Variants in DLEU7 observed in about 807,000 individuals in gnomAD.
DLEU7 encodes the protein leukemia-associated protein 7.
In DLEU7, 17 loss-of-function variants were observed where a neutral mutation model predicts 16.0. That is an observed-to-expected ratio of 1.06 (90% CI 0.73 to 1.59). The LOEUF (loss-of-function observed/expected upper bound fraction) is 1.59, where lower values mean the gene tolerates loss of function less well. Ranked by LOEUF, DLEU7 falls within the 40% of genes most tolerant of loss-of-function variation. DLEU7 has a pLI of 0.00. For synonymous variants in DLEU7, 113 were observed against 139.8 expected (o/e 0.81, Z 1.35); for missense variants, 308 against 314.9 (o/e 0.98, Z 0.17).
At chr13:50,778,100 T>C (rs1442154211) in intron 1 of DLEU7, among the ~76,000 whole-genome samples, 2 of 152,328 alleles carry the variant, frequency 1.3e-5, no homozygotes, top group East Asian at 3.9e-4. Flanking sequence ...TGATTCATAG[T>C]TCTGCAGCCT....
downstream of DLEU7, among the ~76,000 whole-genome samples, chr13:50,820,798 A>C (rs1369235546): frequency 2.0e-5 from 3 of 152,186 alleles, no homozygotes; most frequent in Non-Finnish European, 4.4e-5. Context: ...CCCATATTGA[A>C]AACATGAAAA....
At chr13:50,793,563 T>C (rs1288885132) in intron 1 of DLEU7, among the ~76,000 whole-genome samples, 2 of 152,366 alleles carry the variant, frequency 1.3e-5, no homozygotes, top group East Asian at 1.9e-4. Flanking sequence ...GTATGAAATA[T>C]CTCATTACAG....
intron 1 of DLEU7, among the ~76,000 whole-genome samples, chr13:50,841,225 C>A (rs565665833): frequency 3.4e-4 from 51 of 152,238 alleles, no homozygotes; most frequent in Middle Eastern, 3.4e-3. Flanking sequence ...GACACACAGG[C>A]CTTTCCCTAA....
intron 1 of DLEU7, among the ~76,000 whole-genome samples, chr13:50,771,244 T>A (rs1045970079): frequency 1.3e-5 from 2 of 152,220 alleles, no homozygotes; most frequent in African/African-American, 4.8e-5. Context: ...TTTGAAGGAT[T>A]TTTTTGTGTC....
At chr13:50,829,295 A>T (rs574539331) in intron 1 of DLEU7, among the ~76,000 whole-genome samples, 107 of 152,326 alleles carry the variant, frequency 7.0e-4, no homozygotes, top group African/African-American at 2.4e-3. Context: ...TATTTCCTCA[A>T]GATCCACATC....
chr13:50,811,354 T>C (rs1876560508), intron 1 of DLEU7, among the ~76,000 whole-genome samples: 1 of 152,136 alleles, frequency 6.6e-6, no homozygotes, highest in Non-Finnish European at 1.5e-5. Context: ...TGCTCATATA[T>C]GCCAGACTTC....
chr13:50,821,394 G>GA (rs1048636132), downstream of DLEU7, among the ~76,000 whole-genome samples: 20 of 152,130 alleles, frequency 1.3e-4, no homozygotes, highest in African/African-American at 4.6e-4. Flanking sequence ...AGAACTTTAA[G>GA]AACTGTAGAT....
At chr13:50,724,207 G>A (rs1013917937) in intron 1 of DLEU7, among the ~76,000 whole-genome samples, 1 of 152,090 alleles carries the variant, frequency 6.6e-6, no homozygotes, top group Non-Finnish European at 1.5e-5. Context: ...TAAAACTAAT[G>A]AAATCCCCTT....
intron 1 of DLEU7, among the ~76,000 whole-genome samples, chr13:50,790,976 A>G (rs1434252740): frequency 6.6e-6 from 1 of 152,132 alleles, no homozygotes; most frequent in African/African-American, 2.4e-5. Context: ...GGACACGGCT[A>G]CCTTCTCTCA....
chr13:50,761,918 C>T (rs533656041), intron 1 of DLEU7, among the ~76,000 whole-genome samples: 8 of 151,922 alleles, frequency 5.3e-5, no homozygotes, highest in Admixed American at 2.0e-4. Context: ...GGGCCGGGCA[C>T]GGTGGCTCAC....
intron 1 of DLEU7, among the ~76,000 whole-genome samples, chr13:50,842,792 A>T (rs1877713810): frequency 1.3e-5 from 2 of 152,244 alleles, no homozygotes; most frequent in Admixed American, 1.3e-4. Context: ...TAGTAAGTGT[A>T]TTTAAGGCTC....
intron 1 of DLEU7, among the ~76,000 whole-genome samples, chr13:50,763,057 G>T (rs557856507): frequency 6.6e-6 from 1 of 152,156 alleles, no homozygotes; most frequent in Non-Finnish European, 1.5e-5. Flanking sequence ...AGGTGGGAAG[G>T]CAGCTGCCTG....
intron 1 of DLEU7, among the ~76,000 whole-genome samples, chr13:50,748,860 C>A (rs1399322171): frequency 6.6e-6 from 1 of 152,128 alleles, no homozygotes; most frequent in Non-Finnish European, 1.5e-5. Context: ...AAGCAGTCTC[C>A]TCTTTCATGT....
chr13:50,830,419 G>C (rs1266131119), intron 1 of DLEU7, among the ~76,000 whole-genome samples: 1 of 152,202 alleles, frequency 6.6e-6, no homozygotes, highest in Non-Finnish European at 1.5e-5. Context: ...CTACTAGAGG[G>C]AAATGAGACA....
chr13:50,768,644 A>C (rs1875194978), intron 1 of DLEU7, among the ~76,000 whole-genome samples: 1 of 152,196 alleles, frequency 6.6e-6, no homozygotes, highest in Admixed American at 6.5e-5. Context: ...ATAGTAGTCC[A>C]TAGTATATAT....
At chr13:50,840,671 G>T (rs930817034) in intron 1 of DLEU7, among the ~76,000 whole-genome samples, 1 of 152,142 alleles carries the variant, frequency 6.6e-6, no homozygotes, top group African/African-American at 2.4e-5. Context: ...TATGGACCAA[G>T]AGGGTCAGCA....
Position 50,744,448 on chromosome 13 carries a change from G to A in DLEU7, c.460-31208C>T, listed in dbSNP as rs542041350. Among the ~76,000 whole-genome samples the A allele has an allele frequency of 1.2e-4, 19 of 152,236 alleles. No homozygotes were observed. In the South Asian group the frequency reaches 1.4e-3, roughly 12 times the overall value. ...TCTAACTCCTGACTGGCTTTTGACCGTGTAAGTGTTAAACGTTAACTCACA... is the reference window on the plus strand; with the variant it reads ...TCTAACTCCTGACTGGCTTTTGACCATGTAAGTGTTAAACGTTAACTCACA... On this transcript the variant is annotated intron_variant, in intron 1 of 1. Transcript: ENST00000400393.
At chr13:50,729,248 G>T (rs1443532467) in intron 1 of DLEU7, among the ~76,000 whole-genome samples, 1 of 152,110 alleles carries the variant, frequency 6.6e-6, no homozygotes, top group Non-Finnish European at 1.5e-5. Flanking sequence ...GTACTCAAGT[G>T]CTTAGCTCCC....
chr13:50,821,011 A>G (rs1876888167), downstream of DLEU7, among the ~76,000 whole-genome samples: 1 of 152,130 alleles, frequency 6.6e-6, no homozygotes. Flanking sequence ...AGTGCTCAGT[A>G]GCCACGTGCG....
Sources: gnomAD v4.1 joint callset for allele counts (sites outside exome capture counted in the v4.1 genomes callset) on GRCh38, gnomAD v4.1.1 for gene constraint, MANE v1.5 for transcripts, NCBI Gene and HGNC (gene_info 2026-07-23, HGNC 2026-07-21) for gene names.